The following LIN7A variants were observed in gnomAD, a reference collection of about 807,000 sequenced individuals.
LIN7A encodes lin-7 cell polarity scaffold A, also known as protein lin-7 homolog A.
In LIN7A, 25 loss-of-function variants were observed where a neutral mutation model predicts 29.8. The ratio of observed to expected loss-of-function variants is 0.84; its 90% CI spans 0.61 to 1.17. LIN7A has a LOEUF of 1.17. LIN7A is among the 50% of genes most tolerant of loss of function. The pLI, the probability that LIN7A is intolerant of heterozygous loss-of-function variation, is 0.00. For missense variants in LIN7A, 239 were observed against 287.0 expected, an observed-to-expected ratio of 0.83 and a Z score of 1.21; for synonymous variants, 118 against 107.5, an observed-to-expected ratio of 1.10 and a Z score of -0.60.
chr12:80,876,732 T>C (rs1452803142), intron 2 of LIN7A, among the ~76,000 whole-genome samples: 1 of 152,112 alleles, frequency 6.6e-6, no homozygotes, highest in Non-Finnish European at 1.5e-5. Flanking sequence ...CATATACAAG[T>C]GTTGGAGGTA....
In LIN7A at chr12:80,807,071, T is replaced by TTTG. The variant is rs1555221346; in HGVS notation, c.*4393_*4394insCAA. Among the ~76,000 whole-genome samples the TTTG allele has an allele frequency of 1.2e-3, 132 of 111,880 alleles. 14 individuals are homozygous for TTTG. Among genetic ancestry groups the TTTG allele is most frequent in the African/African-American group, 5.2e-3 (126 of 24,076 alleles). 73.4% of individuals were successfully genotyped at this position (111,880 alleles called of 152,430 possible). A position where few individuals can be genotyped will look rare whatever the true frequency, so the allele number is the denominator to read the frequency against. On this transcript the variant is annotated intron_variant, in intron 5 of 5. Coordinates refer to ENST00000552864, the MANE Select transcript of LIN7A (RefSeq NM_004664.4). ...AATTTAATGAAGATGGAGTTTTTTT[T>TTTG]TTTTTTTTTTTTTTTTTTTTGACGG...
At chr12:80,828,888 GGA>G (rs370836263) in intron 4 of LIN7A, among the ~76,000 whole-genome samples, 26 of 152,042 alleles carry the variant, frequency 1.7e-4, no homozygotes, top group Admixed American at 1.6e-3. Flanking sequence ...TTCTACACGT[GGA>G]GAGAGAGAGG....
chr12:80,858,600 G>T (rs1873718720), intron 2 of LIN7A, among the ~76,000 whole-genome samples: 1 of 151,238 alleles, frequency 6.6e-6, no homozygotes. Flanking sequence ...AATCCTCTGT[G>T]ACAGGAAATG....
chr12:80,819,016 A>C (rs1320834549), intron 4 of LIN7A, among the ~76,000 whole-genome samples: 2 of 152,244 alleles, frequency 1.3e-5, no homozygotes, highest in African/African-American at 4.8e-5. Flanking sequence ...GATATACAAT[A>C]ATGCCTCCTT....
intron 4 of LIN7A, among the ~76,000 whole-genome samples, chr12:80,823,702 G>T (rs1469647786): frequency 6.6e-6 from 1 of 152,226 alleles, no homozygotes; most frequent in Admixed American, 6.5e-5. Context: ...GGACACAGAG[G>T]CTTCCAGCCA....
chr12:80,854,307 G>T (rs891153610), intron 2 of LIN7A, among the ~76,000 whole-genome samples: 5 of 151,926 alleles, frequency 3.3e-5, no homozygotes, highest in Admixed American at 6.6e-5. Context: ...GGGCACAGTG[G>T]CTCACATCTG....
chr12:80,907,782 G>A (rs963263894), intron 1 of LIN7A, among the ~76,000 whole-genome samples: 2 of 152,010 alleles, frequency 1.3e-5, no homozygotes, highest in Non-Finnish European at 2.9e-5. Context: ...TAAAGAGTAG[G>A]AAGAAATAAA....
intron 5 of LIN7A, among the ~76,000 whole-genome samples, chr12:80,803,862 C>T (rs1188038241): frequency 6.6e-6 from 1 of 152,160 alleles, no homozygotes; most frequent in Non-Finnish European, 1.5e-5. Context: ...ATTTGGATAA[C>T]TGCATAAGAC....
chr12:80,875,708 C>T (rs1874649698), intron 2 of LIN7A, among the ~76,000 whole-genome samples: 1 of 152,158 alleles, frequency 6.6e-6, no homozygotes, highest in Non-Finnish European at 1.5e-5. Context: ...GGAATTCTTC[C>T]ATGGACCCAA....
intron 4 of LIN7A, among the ~76,000 whole-genome samples, chr12:80,828,514 A>G (rs895796553): frequency 6.6e-6 from 1 of 152,192 alleles, no homozygotes; most frequent in African/African-American, 2.4e-5. Context: ...ACATATAATA[A>G]TAATAATAGT....
At chr12:80,869,699 A>G (rs574505675) in intron 2 of LIN7A, among the ~76,000 whole-genome samples, 1 of 152,272 alleles carries the variant, frequency 6.6e-6, no homozygotes, top group East Asian at 1.9e-4. Flanking sequence ...CAGAGATTTA[A>G]ATGTCTATAT....
rs1253973051 is a variant in LIN7A at position 80,903,524 on chromosome 12, T to C, written c.83-14155A>G. Among the ~76,000 whole-genome samples, 3 of 152,104 alleles carry C rather than the reference T, an allele frequency of 2.0e-5. No individual in the cohort carries two copies. In the East Asian group the frequency reaches 5.8e-4, roughly 29 times the overall value. ...TCCATTCATGTTGCTGCAAAAGACA[T>C]GATTTCATTATTTTTTATGACTGAA... On this transcript the variant is annotated intron_variant, in intron 1 of 5. Transcript: ENST00000552864.
intron 1 of LIN7A, among the ~76,000 whole-genome samples, chr12:80,921,706 C>G (rs2120879407): frequency 6.6e-6 from 1 of 152,144 alleles, no homozygotes; most frequent in East Asian, 1.9e-4. Context: ...AGGGCTTCAA[C>G]ATATGCATTT....
intron 1 of LIN7A, among the ~76,000 whole-genome samples, chr12:80,908,430 C>T (rs1462446310): frequency 6.6e-6 from 1 of 151,816 alleles, no homozygotes. Flanking sequence ...ATGAATGCCA[C>T]ATTTTAACAT....
At chr12:80,932,131 C>T (rs1305838426) in intron 1 of LIN7A, among the ~76,000 whole-genome samples, 2 of 152,078 alleles carry the variant, frequency 1.3e-5, no homozygotes, top group African/African-American at 4.8e-5. Flanking sequence ...GGGCTTGAAT[C>T]GGAAGACGCA....
chr12:80,878,640 G>A (rs905782758), intron 2 of LIN7A, among the ~76,000 whole-genome samples: 2 of 152,156 alleles, frequency 1.3e-5, no homozygotes, highest in African/African-American at 4.8e-5. Flanking sequence ...GGCGGACGTG[G>A]CCAGCTTTTA....
chr12:80,842,106 A>G (rs1320684761), intron 4 of LIN7A: 2 of 1,287,640 alleles, frequency 1.6e-6, no homozygotes, highest in Non-Finnish European at 2.0e-6. Context: ...ATGAGTTTCC[A>G]TCTGTTTTTG....
intron 2 of LIN7A, chr12:80,860,955 G>A (rs1186647180): frequency 6.6e-6 from 1 of 152,226 alleles, no homozygotes. Flanking sequence ...CACATTTAGA[G>A]AAGGATGTCT....
intron 3 of LIN7A, chr12:80,847,963 A>G (rs1873154566): frequency 2.1e-6 from 1 of 465,916 alleles, no homozygotes. Context: ...GTGTCTGAAA[A>G]TCATATAGTA....
Sources: allele counts gnomAD v4.1 joint callset (sites outside exome capture counted in the v4.1 genomes callset), GRCh38; gene constraint gnomAD v4.1.1; transcripts MANE v1.5; gene names NCBI Gene and HGNC (gene_info 2026-07-23, HGNC 2026-07-21).